SH3GL2: variants seen among roughly 807,000 people sequenced by gnomAD.
SH3GL2 encodes the protein endophilin-A1.
Under a neutral mutation model 46.0 loss-of-function variants are expected in SH3GL2, and 24 were observed. That is an observed-to-expected ratio of 0.52 (90% confidence interval 0.38 to 0.73). The LOEUF is 0.73. Ranked by LOEUF, SH3GL2 falls within the 30% of genes least tolerant of loss-of-function variation. The pLI is 0.00. For missense variants in SH3GL2, 413 were observed against 424.2 expected (o/e 0.97, Z 0.23); for synonymous variants, 196 against 147.1 (o/e 1.33, Z -2.40).
intron 1 of SH3GL2, among the ~76,000 whole-genome samples, chr9:17,608,993 C>G (rs2180902): frequency 0.14 from 20,921 of 152,198 alleles, 1,546 homozygotes; most frequent in East Asian, 0.27. Context: ...GTGATCCGCT[C>G]TTTCACTGAT....
chr9:17,684,850 G>C (rs939181674), intron 1 of SH3GL2, among the ~76,000 whole-genome samples: 1 of 152,020 alleles, frequency 6.6e-6, no homozygotes, highest in Non-Finnish European at 1.5e-5. Context: ...CAAAATGAAA[G>C]AAAGCAAATA....
At chr9:17,770,125 T>C (rs1053418287) in intron 3 of SH3GL2, among the ~76,000 whole-genome samples, 5 of 152,212 alleles carry the variant, frequency 3.3e-5, no homozygotes, top group Non-Finnish European at 7.4e-5. Context: ...CTCTGTGTAA[T>C]ATCTATTTGG....
Position 17,689,587 on chromosome 9 carries a change from A to G in SH3GL2, c.46-57479A>G, listed in dbSNP as rs188510032. Among the ~76,000 whole-genome samples the G allele has an allele frequency of 2.8e-3, 429 of 152,038 alleles. 3 individuals carry two copies. The highest frequency in any genetic ancestry group is 4.1e-3 in the Admixed American group (63 of 15,252). ...GGCCCTTTCATCTCTCTTTAATTGC[A>G]TGTCTTAGCCCCTCCTCCTTAGCAC... On this transcript the variant is annotated intron_variant, in intron 1 of 8. Transcript: ENST00000380607.
intron 1 of SH3GL2, among the ~76,000 whole-genome samples, chr9:17,647,248 C>G (rs1228149037): frequency 6.6e-6 from 1 of 152,162 alleles, no homozygotes; most frequent in African/African-American, 2.4e-5. Context: ...ATTTCTGTTG[C>G]TTCAATGTGC....
chr9:17,600,448 G>T (rs1181013736), intron 1 of SH3GL2, among the ~76,000 whole-genome samples: 3 of 152,178 alleles, frequency 2.0e-5, no homozygotes, highest in Non-Finnish European at 4.4e-5. Context: ...CAGCACAGCT[G>T]GCTCCGATTC....
Position 17,685,927 on chromosome 9 carries a change from A to C in SH3GL2, c.46-61139A>C, listed in dbSNP as rs200397374. On this transcript the variant is annotated intron_variant, in intron 1 of 8. Transcript: ENST00000380607. ...ACACCAAAAGCAATGGCAACAAAAG[A>C]CAAAATTGACAAATGGGATCTAATT... Among the ~76,000 whole-genome samples the C allele has an allele frequency of 2.4e-3, 368 of 151,258 alleles. 4 individuals carry two copies. Among genetic ancestry groups the C allele is most frequent in the Admixed American group, 8.3e-3 (126 of 15,126 alleles).
chr9:17,703,890 C>G (rs1821399386), intron 1 of SH3GL2, among the ~76,000 whole-genome samples: 1 of 151,986 alleles, frequency 6.6e-6, no homozygotes, highest in Non-Finnish European at 1.5e-5. Context: ...TGGAAGAAGA[C>G]AAGGATGCCC....
chr9:17,713,073 G>T (rs1357149167), intron 1 of SH3GL2, among the ~76,000 whole-genome samples: 8 of 144,234 alleles, frequency 5.5e-5, no homozygotes, highest in Admixed American at 7.0e-5. Flanking sequence ...AGTGTGCTGG[G>T]TTTTTTTTTT....
chr9:17,662,620 C>T (rs1820248617), intron 1 of SH3GL2, among the ~76,000 whole-genome samples: 1 of 151,608 alleles, frequency 6.6e-6, no homozygotes, highest in Non-Finnish European at 1.5e-5. Context: ...CGTCTTTTGG[C>T]ATGTTAGCAT....
At chr9:17,628,478 G>C (rs1819341714) in intron 1 of SH3GL2, among the ~76,000 whole-genome samples, 1 of 151,636 alleles carries the variant, frequency 6.6e-6, no homozygotes, top group African/African-American at 2.4e-5. Flanking sequence ...TTATCTATTT[G>C]TGTAAGTATG....
intron 1 of SH3GL2, among the ~76,000 whole-genome samples, chr9:17,712,249 C>T (rs960412953): frequency 1.3e-5 from 2 of 151,572 alleles, no homozygotes; most frequent in Non-Finnish European, 3.0e-5. Flanking sequence ...ATATTTTCTC[C>T]ACATCTATGG....
intron 1 of SH3GL2, among the ~76,000 whole-genome samples, chr9:17,638,107 A>G (rs1819586164): frequency 6.6e-6 from 1 of 151,924 alleles, no homozygotes; most frequent in Non-Finnish European, 1.5e-5. Flanking sequence ...CAGTGAGCCG[A>G]GATCGCGCCA....
chr9:17,653,682 C>T (rs1588207977), intron 1 of SH3GL2, among the ~76,000 whole-genome samples: 1 of 152,282 alleles, frequency 6.6e-6, no homozygotes, highest in South Asian at 2.1e-4. Context: ...ATGAGAGCTC[C>T]TCGCCTTGTG....
At position 17,682,521 on chromosome 9, in the gene SH3GL2, CAG is replaced by C. The variant is rs946942175; in HGVS notation, c.46-64544_46-64543del. ...GTTGAACATAGAGAACACCTGGACACAGGGAGGGGAACCAACATGCACCAGGG... is the reference window on the plus strand; with the variant it reads ...GTTGAACATAGAGAACACCTGGACACGGAGGGGAACCAACATGCACCAGGG... On this transcript the variant is annotated intron_variant, in intron 1 of 8. Transcript: ENST00000380607. Among the ~76,000 whole-genome samples, 4 of 152,028 alleles carry C rather than the reference CAG, an allele frequency of 2.6e-5. No individual in the cohort carries two copies. In the South Asian group the frequency reaches 8.3e-4, roughly 32 times the overall value.
intron 3 of SH3GL2, among the ~76,000 whole-genome samples, chr9:17,769,423 T>G (rs556185687): frequency 5.1e-4 from 77 of 152,334 alleles, no homozygotes; most frequent in Non-Finnish European, 8.5e-4. Flanking sequence ...AGCAGCCAGT[T>G]CCATCCATTA....
At chr9:17,767,601 G>A (rs1176848357) in intron 3 of SH3GL2, among the ~76,000 whole-genome samples, 1 of 152,212 alleles carries the variant, frequency 6.6e-6, no homozygotes, top group African/African-American at 2.4e-5. Context: ...AGAGTCCTTA[G>A]CATTATGCCT....
chr9:17,726,610 A>G (rs984650692), intron 1 of SH3GL2, among the ~76,000 whole-genome samples: 1 of 152,174 alleles, frequency 6.6e-6, no homozygotes, highest in African/African-American at 2.4e-5. Flanking sequence ...AGACAACCCA[A>G]TAGCAGAACA....
intron 3 of SH3GL2, among the ~76,000 whole-genome samples, chr9:17,764,381 G>C (rs1588313712): frequency 6.6e-6 from 1 of 152,224 alleles, no homozygotes; most frequent in African/African-American, 2.4e-5. Flanking sequence ...GTAAAGTTGA[G>C]AGTTAGGCAG....
At chr9:17,779,843 G>A (rs559493897) in intron 3 of SH3GL2, among the ~76,000 whole-genome samples, 1 of 152,208 alleles carries the variant, frequency 6.6e-6, no homozygotes, top group Non-Finnish European at 1.5e-5. Flanking sequence ...CATGGATATT[G>A]TTAGACTTTG....
Sources: allele counts gnomAD v4.1 joint callset (sites outside exome capture counted in the v4.1 genomes callset), GRCh38; gene constraint gnomAD v4.1.1; transcripts MANE v1.5; gene names NCBI Gene and HGNC (gene_info 2026-07-23, HGNC 2026-07-21).